The following ADAMTSL1 variants were observed in gnomAD, a reference collection of about 807,000 sequenced individuals.
ADAMTSL1 encodes ADAMTS like 1.
Under a neutral mutation model 201.8 loss-of-function variants are expected in ADAMTSL1, and 126 were observed. That is an observed-to-expected ratio of 0.62 (90% CI 0.54 to 0.72). The LOEUF (loss-of-function observed/expected upper bound fraction) is 0.72, where lower values mean the gene tolerates loss of function less well. ADAMTSL1 is among the 30% of genes least tolerant of loss of function. The probability of loss-of-function intolerance (pLI) is 0.00; values close to 1 mark genes in which losing one functional copy is unlikely to be tolerated. For missense variants in ADAMTSL1, 2,679 were observed against 2,277.8 expected (o/e 1.18, Z -3.59); for synonymous variants, 1,121 against 903.4 (o/e 1.24, Z -4.32).
At chr9:18,044,069 A>G (rs1821552407) in intron 1 of ADAMTSL1, among the ~76,000 whole-genome samples, 1 of 149,924 alleles carries the variant, frequency 6.7e-6, no homozygotes, top group Non-Finnish European at 1.5e-5. Context: ...TCAACAACAA[A>G]TATTTTTTGA....
intron 15 of ADAMTSL1, among the ~76,000 whole-genome samples, chr9:18,749,193 C>CT (rs1564201412): frequency 6.6e-6 from 1 of 152,058 alleles, no homozygotes; most frequent in East Asian, 1.9e-4. Context: ...TCCAACATAC[C>CT]TTTTTTTGGA....
chr9:18,582,169 A>G (rs1683779934), intron 4 of ADAMTSL1, among the ~76,000 whole-genome samples: 1 of 152,198 alleles, frequency 6.6e-6, no homozygotes, highest in African/African-American at 2.4e-5. Flanking sequence ...ATGGTTATCT[A>G]GCCATAACCT....
chr9:18,890,786 A>G (rs1293076970), intron 25 of ADAMTSL1: 2 of 349,996 alleles, frequency 5.7e-6, no homozygotes, highest in Non-Finnish European at 1.1e-5. Flanking sequence ...GTTGATGGAA[A>G]TGCAGGCCTG....
intron 2 of ADAMTSL1, among the ~76,000 whole-genome samples, chr9:18,314,216 C>T (rs1834270827): frequency 6.6e-6 from 1 of 152,122 alleles, no homozygotes; most frequent in Non-Finnish European, 1.5e-5. Flanking sequence ...AAAGAGAACC[C>T]TGGTTTGTAC....
chr9:18,129,342 A>G (rs969809840), intron 1 of ADAMTSL1, among the ~76,000 whole-genome samples: 2 of 152,180 alleles, frequency 1.3e-5, no homozygotes, highest in South Asian at 2.1e-4. Flanking sequence ...ATTTTGCACT[A>G]TGTTCTTTTT....
At chr9:18,213,035 A>C (rs1243787083) in intron 2 of ADAMTSL1, among the ~76,000 whole-genome samples, 2 of 152,298 alleles carry the variant, frequency 1.3e-5, no homozygotes, top group South Asian at 4.1e-4. Flanking sequence ...TTGAACATCA[A>C]CTCAGCCTGA....
rs918447683 is a variant in ADAMTSL1 at position 17,939,756 on chromosome 9, G to C, written c.87+32834G>C. ...TATTAAACACTTGGGATAAAATCATGAATCATATGTGACCCTGTTCTTGCA... is the reference window on the plus strand; with the variant it reads ...TATTAAACACTTGGGATAAAATCATCAATCATATGTGACCCTGTTCTTGCA... On this transcript the variant is annotated intron_variant, in intron 1 of 29. Coordinates refer to the ADAMTSL1 transcript ENST00000680146. Among the ~76,000 whole-genome samples, 23 of 152,232 alleles carry C rather than the reference G, an allele frequency of 1.5e-4. 1 individual carries two copies. The South Asian group carries it at 2.9e-3, about 19-fold the overall frequency.
At chr9:18,422,042 T>C (rs1587147892) in intron 2 of ADAMTSL1, among the ~76,000 whole-genome samples, 1 of 152,142 alleles carries the variant, frequency 6.6e-6, no homozygotes, top group Non-Finnish European at 1.5e-5. Context: ...AAAATAATGG[T>C]AGTCATTTAA....
intron 4 of ADAMTSL1, 195 bp downstream of exon 4, chr9:18,574,461 CTA>C (rs1822573312): frequency 1.6e-6 from 1 of 631,374 alleles, no homozygotes; most frequent in Non-Finnish European, 2.8e-6. Flanking sequence ...GAAAAGTAGA[CTA>C]GAGTTATTTT....
chr9:18,710,656 C>A (rs1380833697), intron 14 of ADAMTSL1, among the ~76,000 whole-genome samples: 1 of 130,706 alleles, frequency 7.7e-6, no homozygotes, highest in East Asian at 2.3e-4. Context: ...CTTAGAAGGG[C>A]CTAAGTTTTG....
chr9:18,103,468 A>G (rs1412092085), intron 1 of ADAMTSL1, among the ~76,000 whole-genome samples: 1 of 152,176 alleles, frequency 6.6e-6, no homozygotes, highest in Non-Finnish European at 1.5e-5. Flanking sequence ...AAGATAATAA[A>G]GCCCACTTTT....
intron 2 of ADAMTSL1, among the ~76,000 whole-genome samples, chr9:18,455,912 G>T (rs1447145635): frequency 6.6e-6 from 1 of 152,098 alleles, no homozygotes; most frequent in African/African-American, 2.4e-5. Flanking sequence ...CAAAATGCTT[G>T]CTAGGTAACT....
chr9:18,042,356 A>G (rs989127611), intron 1 of ADAMTSL1, among the ~76,000 whole-genome samples: 2 of 152,192 alleles, frequency 1.3e-5, no homozygotes, highest in African/African-American at 4.8e-5. Context: ...AGGAAACTAA[A>G]AAAGAAATTT....
At chr9:18,733,361 C>T (rs950482144) in intron 15 of ADAMTSL1, among the ~76,000 whole-genome samples, 2 of 152,108 alleles carry the variant, frequency 1.3e-5, no homozygotes, top group Admixed American at 1.3e-4. Context: ...CATTAGAGTA[C>T]AGATTTCTCA....
chr9:18,167,161 A>G (rs1044260246), intron 2 of ADAMTSL1, among the ~76,000 whole-genome samples: 1 of 151,990 alleles, frequency 6.6e-6, no homozygotes, highest in Non-Finnish European at 1.5e-5. Flanking sequence ...AATAGTCAAG[A>G]CACAGATCAT....
At chr9:18,643,491 A>T (rs1827578191) in intron 7 of ADAMTSL1, among the ~76,000 whole-genome samples, 1 of 151,934 alleles carries the variant, frequency 6.6e-6, no homozygotes, top group African/African-American at 2.4e-5. Flanking sequence ...AATTGCCCAG[A>T]CCAATTGCAG....
intron 16 of ADAMTSL1, among the ~76,000 whole-genome samples, chr9:18,757,141 C>T (rs139076925): frequency 2.0e-5 from 3 of 152,184 alleles, no homozygotes; most frequent in Admixed American, 6.5e-5. Flanking sequence ...TGCTTTTCCT[C>T]TCTGGTCTGT....
intron 1 of ADAMTSL1, among the ~76,000 whole-genome samples, chr9:17,932,151 G>A (rs867345573): frequency 2.8e-4 from 43 of 152,134 alleles, no homozygotes; most frequent in African/African-American, 9.9e-4. Context: ...TAATTGGGTG[G>A]GATTTCGGGA....
At position 18,384,702 on chromosome 9, in the gene ADAMTSL1, C is replaced by G. The variant is rs186537395; in HGVS notation, c.208-120127C>G. On this transcript the variant is annotated intron_variant, in intron 2 of 29. Coordinates refer to the ADAMTSL1 transcript ENST00000680146. ...GATCTCTGATGTCCTCTGGGTCAAA[C>G]CCAATAGGATTCCTTTTACCAGTGC... Among the ~76,000 whole-genome samples the G allele has an allele frequency of 1.4e-3, 206 of 152,254 alleles. 1 individual carries two copies. The highest frequency in any genetic ancestry group is 4.8e-3 in the African/African-American group (198 of 41,552).
Sources: gnomAD v4.1 joint callset for allele counts (sites outside exome capture counted in the v4.1 genomes callset) on GRCh38, gnomAD v4.1.1 for gene constraint, MANE v1.5 for transcripts, NCBI Gene and HGNC (gene_info 2026-07-23, HGNC 2026-07-21) for gene names.